The following CPZ variants were observed in gnomAD, a reference collection of about 807,000 sequenced individuals.
CPZ encodes VEZT/CPZ fusion.
A neutral mutation model predicts 61.8 loss-of-function variants in CPZ; 103 were observed. That is an observed-to-expected ratio of 1.67 (90% CI 1.42 to 1.96). CPZ has a LOEUF of 1.96. Among genes scored for constraint, CPZ ranks in the 30% most tolerant of loss-of-function variants. CPZ has a pLI of 0.00. For missense variants in CPZ, 1,461 were observed against 914.9 expected (o/e 1.60, Z -7.70); for synonymous variants, 551 against 373.7 (o/e 1.47, Z -5.47).
At chr4:8,606,919 T>G (rs770853816) in intron 6 of CPZ, 21 bp downstream of exon 6, 2 of 1,577,042 alleles carry the variant, frequency 1.3e-6, no homozygotes, top group Admixed American at 3.7e-5. Context: ...CCGCTGCCCA[T>G]GCTGGTCTCC....
rs562694975 is a variant in CPZ, at chr4:8,605,902, G to C, written c.710-87G>C. On this transcript the variant is annotated intron_variant, in intron 4 of 10. Coordinates refer to ENST00000360986, the MANE Select transcript of CPZ (RefSeq NM_001014447.3). ...AGTATGAATTGGTCCCAGCCCATCT[G>C]GTCATTCTTGCTGAGTGGGGGGGCC... 2.3e-6 allele frequency: 3 copies of C among 1,328,764 alleles called. No homozygotes were observed. In the South Asian group the frequency reaches 3.9e-5, roughly 17 times the overall value. The allele number at this position is 1,328,764 out of a possible 1,614,324, so 82.3% of individuals were successfully genotyped here.
chr4:8,602,103 C>G (rs1384804996), intron 3 of CPZ: 1 of 152,362 alleles, frequency 6.6e-6, no homozygotes, highest in Non-Finnish European at 1.5e-5. Flanking sequence ...ATGTCTCTTG[C>G]AGATGAAACA....
chr4:8,609,830 C>T (rs1376246008), intron 7 of CPZ, among the ~76,000 whole-genome samples: 1 of 152,198 alleles, frequency 6.6e-6, no homozygotes, highest in Admixed American at 6.5e-5. Context: ...GCAGTGATCT[C>T]TGGAAACCAG....
chr4:8,612,283 G>A lies in CPZ; in HGVS notation c.1363+121G>A. On this transcript the variant is annotated intron_variant, in intron 8 of 10. Transcript: ENST00000360986. ...ATCCAGCTGGAGAGCCCGGAAGACA[G>A]GGCGATGCCTCACCTGGTGGAGAGG... 3 of 835,908 alleles carry A rather than the reference G, an allele frequency of 3.6e-6. No individual in the cohort carries two copies. The South Asian group carries it at 5.7e-5, about 16-fold the overall frequency. The allele number at this position is 835,908 out of a possible 1,614,324, so 51.8% of individuals were successfully genotyped here.
chr4:8,601,321 C>T lies in CPZ; in HGVS notation c.320C>T (p.Pro107Leu). The T allele has an allele frequency of 6.2e-7, 1 of 1,609,504 alleles. No individual in the cohort carries two copies. Among genetic ancestry groups the T allele is most frequent in the Non-Finnish European group, 8.5e-7 (1 of 1,177,082 alleles). Residue 107 changes from proline (P) to leucine (L), a missense_variant, in exon 3 of 11, where the codon CCC becomes CTC. By Grantham distance (98) the Pro-to-Leu change is moderately conservative. Transcript: ENST00000360986. ...CTGCTGGGCTGTGCTGTGCTGGCCC[C>T]CCGGTGTGAGGGCGGCTGGGTGCGC... ...LRLLGCAVLA[P>L]RCEGGWVRRP...
intron 3 of CPZ, 111 bp from the exon 4 acceptor site, chr4:8,603,865 A>T: frequency 1.1e-6 from 1 of 896,114 alleles, no homozygotes; most frequent in Admixed American, 2.0e-5. Flanking sequence ...ATGTCCAAGC[A>T]TGGCTGTCGT....
At chr4:8,615,925 A>C (rs1307948401) in intron 9 of CPZ, among the ~76,000 whole-genome samples, 1 of 152,220 alleles carries the variant, frequency 6.6e-6, no homozygotes. Flanking sequence ...TTTCTTTCTG[A>C]TGGCTGTGCC....
intron 7 of CPZ, among the ~76,000 whole-genome samples, chr4:8,610,869 G>A (rs778687744): frequency 6.6e-6 from 1 of 152,174 alleles, no homozygotes; most frequent in Admixed American, 6.5e-5. Context: ...TCACTTCTGA[G>A]AAGCTGGACC....
intron 7 of CPZ, among the ~76,000 whole-genome samples, chr4:8,609,157 C>T (rs1243712930): frequency 7.0e-5 from 10 of 142,872 alleles, no homozygotes; most frequent in Non-Finnish European, 1.6e-4. Flanking sequence ...CCCACTCCCT[C>T]ACTCATTCAC....
intron 1 of CPZ, among the ~76,000 whole-genome samples, chr4:8,595,775 C>T (rs2109310168): frequency 6.6e-6 from 1 of 152,328 alleles, no homozygotes; most frequent in African/African-American, 2.4e-5. Context: ...TGGATGAAAT[C>T]TGATTCAGAT....
At chr4:8,601,802 A>G (rs1714596101) in intron 3 of CPZ, among the ~76,000 whole-genome samples, 1 of 152,134 alleles carries the variant, frequency 6.6e-6, no homozygotes, top group Non-Finnish European at 1.5e-5. Flanking sequence ...GCCCCCGCCC[A>G]GGGTGCAGTG....
At chr4:8,593,041 G>C in intron 1 of CPZ, 120 bp downstream of exon 1, 3 of 748,322 alleles carry the variant, frequency 4.0e-6, no homozygotes, top group Non-Finnish European at 6.2e-6. Flanking sequence ...CTATGGTCCT[G>C]GCGAGAACGT....
intron 1 of CPZ, among the ~76,000 whole-genome samples, chr4:8,594,308 G>A (rs1266368878): frequency 3.9e-5 from 6 of 152,188 alleles, no homozygotes; most frequent in African/African-American, 1.4e-4. Context: ...CCCCACCCCG[G>A]GCTGCCATGT....
chr4:8,599,403 G>A (rs1714408090), intron 1 of CPZ, 50 bp from the exon 2 acceptor site: 1 of 1,557,668 alleles, frequency 6.4e-7, no homozygotes, highest in South Asian at 1.2e-5. Flanking sequence ...TGCCCGGTGA[G>A]TGAAGGATGG....
At chr4:8,611,241 G>T (rs1055866245) in intron 7 of CPZ, 1 of 456,138 alleles carries the variant, frequency 2.2e-6, no homozygotes, top group Non-Finnish European at 4.4e-6. Flanking sequence ...CCCTTCGCCT[G>T]CCTGACCCAC....
At position 8,599,463 on chromosome 4, in the gene CPZ, C is replaced by A; in HGVS notation, c.99C>A (p.His33Gln). ...EFERNPAGEC[H>Q]RPPAADSATC... ...TGTCTCTCTTTCCAGGTGAATGCCACAGGCCACCAGCTGCAGACAGCGGTA... is the reference window on the plus strand; with the variant it reads ...TGTCTCTCTTTCCAGGTGAATGCCAAAGGCCACCAGCTGCAGACAGCGGTA... Residue 33 changes from histidine (H) to glutamine (Q), a missense_variant, in exon 2 of 11, where the codon CAC becomes CAA. Physicochemically the swap from His to Gln is conservative, Grantham distance 24. Transcript: ENST00000360986. 2 of 1,611,910 alleles carry A rather than the reference C, an allele frequency of 1.2e-6. No homozygotes were observed. Among genetic ancestry groups the A allele is most frequent in the Non-Finnish European group, 1.7e-6 (2 of 1,178,650 alleles).
At chr4:8,593,192 C>A (rs978770255) in intron 1 of CPZ, among the ~76,000 whole-genome samples, 1 of 152,160 alleles carries the variant, frequency 6.6e-6, no homozygotes, top group Admixed American at 6.5e-5. Context: ...GGGGTGAGAT[C>A]TTTTTCCTGT....
Position 8,612,039 on chromosome 4 carries a change from C to T in CPZ, c.1240C>T (p.Leu414=). The T allele has an allele frequency of 6.2e-7, 1 of 1,614,006 alleles. No individual in the cohort carries two copies. Residue 414 remains leucine (L), a synonymous_variant, in exon 8 of 11, where the codon CTG becomes TTG. Transcript: ENST00000360986. The part of the protein sequence containing the change: ...PTPDEKMFKL[L]SRAYADVHPM... ...GTTTCTTTTCCAGATGTTCAAGCTG[C>T]TGTCCAGAGCCTACGCTGACGTCCA...
At chr4:8,596,553 C>T (rs530873230) in intron 1 of CPZ, among the ~76,000 whole-genome samples, 2 of 152,256 alleles carry the variant, frequency 1.3e-5, no homozygotes, top group Admixed American at 6.5e-5. Context: ...CTCCTGCCCA[C>T]GATATGCCCC....
Sources: gnomAD v4.1 joint callset for allele counts (sites outside exome capture counted in the v4.1 genomes callset) on GRCh38, gnomAD v4.1.1 for gene constraint, MANE v1.5 for transcripts, NCBI Gene and HGNC (gene_info 2026-07-23, HGNC 2026-07-21) for gene names.